DRD2: variants seen among roughly 807,000 people sequenced by gnomAD.
DRD2 encodes D(2) dopamine receptor.
A neutral mutation model predicts 38.0 loss-of-function variants in DRD2; 8 were observed. That is an observed-to-expected ratio of 0.21 (90% CI 0.12 to 0.38). The LOEUF (loss-of-function observed/expected upper bound fraction) is 0.38. Ranked by LOEUF, DRD2 falls within the 10% of genes least tolerant of loss-of-function variation. The pLI, the probability that DRD2 is intolerant of heterozygous loss-of-function variation, is 1.00. For synonymous variants in DRD2, 230 were observed against 238.6 expected (o/e 0.96, Z 0.33); for missense variants, 403 against 607.7 (o/e 0.66, Z 3.54).
At chr11:113,410,961 G>A (rs1950764059) in intron 7 of DRD2, 41 bp from the exon 8 acceptor site, 1 of 1,583,754 alleles carries the variant, frequency 6.3e-7, no homozygotes, top group Non-Finnish European at 8.6e-7. Context: ...CCAGAGCCGG[G>A]GAGGCACGGC....
At chr11:113,417,637 G>A (rs966683176) in intron 3 of DRD2, among the ~76,000 whole-genome samples, 2 of 152,200 alleles carry the variant, frequency 1.3e-5, no homozygotes, top group East Asian at 1.9e-4. Flanking sequence ...AGATACTGCA[G>A]CTCCAGGCCA....
rs577153618 is a variant in DRD2 at position 113,434,971 on chromosome 11, C to T, written c.-31-10289G>A. Among the ~76,000 whole-genome samples the T allele has an allele frequency of 1.8e-4, 28 of 152,280 alleles. 1 individual carries two copies. The South Asian group carries it at 5.2e-3, about 28-fold the overall frequency. On this transcript the variant is annotated intron_variant, in intron 1 of 7. Transcript: ENST00000362072. ...AGACTTTGTCTAGGAGCAGAGGAGA[C>T]CACAGCTGAGCATGACCAGGCCTCC... is the stretch of plus-strand genomic sequence containing the variant.
intron 6 of DRD2, among the ~76,000 whole-genome samples, chr11:113,413,169 C>A (rs1950787174): frequency 6.6e-6 from 1 of 152,208 alleles, no homozygotes. Context: ...ATGGCCTGAG[C>A]AACACTTACT....
At chr11:113,430,325 A>T (rs955134406) in intron 1 of DRD2, among the ~76,000 whole-genome samples, 12 of 152,100 alleles carry the variant, frequency 7.9e-5, no homozygotes, top group African/African-American at 1.9e-4. Flanking sequence ...CATTTCATAG[A>T]CTCTAAGACA....
intron 1 of DRD2, among the ~76,000 whole-genome samples, chr11:113,427,553 A>C (rs771066319): frequency 3.9e-5 from 6 of 152,200 alleles, no homozygotes; most frequent in Non-Finnish European, 8.8e-5. Flanking sequence ...GTTCTTTCCC[A>C]ACTCTTGACT....
chr11:113,443,794 AAAG>A (rs1951115016), intron 1 of DRD2, among the ~76,000 whole-genome samples: 1 of 152,254 alleles, frequency 6.6e-6, no homozygotes, highest in African/African-American at 2.4e-5. Context: ...AAATTTTGAT[AAAG>A]AAAAATTGCT....
intron 1 of DRD2, among the ~76,000 whole-genome samples, chr11:113,450,332 C>G (rs1038083993): frequency 6.6e-6 from 1 of 152,160 alleles, no homozygotes; most frequent in South Asian, 2.1e-4. Flanking sequence ...TTGAAGGCCT[C>G]GAAACAGCCC....
rs377183883 is a variant in DRD2, at chr11:113,413,804, G to A, written c.810+571C>T. 1.4e-3 allele frequency: 288 copies of A among 212,244 alleles called. 8 individuals carry two copies. The South Asian group carries it at 0.023, about 17-fold the overall frequency. The allele number at this position is 212,244 out of a possible 1,614,324, so 13.1% of individuals were successfully genotyped here. A position where few individuals can be genotyped will look rare whatever the true frequency, so the allele number is the denominator to read the frequency against. ...AGAGGCTGGGGTCTGCTGTGCTTCC[G>A]CACCTGAGGGCTCTATGTACACAAA... is the stretch of plus-strand genomic sequence containing the variant. On this transcript the variant is annotated intron_variant, in intron 6 of 7. Transcript: ENST00000362072.
At chr11:113,412,482 T>C in intron 7 of DRD2, 74 bp downstream of exon 7, 1 of 1,565,976 alleles carries the variant, frequency 6.4e-7, no homozygotes, top group Non-Finnish European at 8.7e-7. Context: ...CCTGCAGCCA[T>C]GGTTAGGAAG....
At chr11:113,427,735 C>T (rs936853304) in intron 1 of DRD2, among the ~76,000 whole-genome samples, 2 of 152,152 alleles carry the variant, frequency 1.3e-5, no homozygotes, top group Non-Finnish European at 2.9e-5. Context: ...ATAGGTGCTG[C>T]ATGTTGGGTC....
At chr11:113,436,533 T>C (rs1382763099) in intron 1 of DRD2, among the ~76,000 whole-genome samples, 1 of 152,208 alleles carries the variant, frequency 6.6e-6, no homozygotes, top group South Asian at 2.1e-4. Flanking sequence ...TGGTGAATTT[T>C]TTTAGAGTCC....
At chr11:113,460,692 A>G (rs1951309573) in intron 1 of DRD2, among the ~76,000 whole-genome samples, 1 of 152,190 alleles carries the variant, frequency 6.6e-6, no homozygotes, top group Non-Finnish European at 1.5e-5. Context: ...CTCTCCTCCC[A>G]CCAGGATTAT....
chr11:113,442,117 T>C (rs1469830616), intron 1 of DRD2, among the ~76,000 whole-genome samples: 1 of 152,130 alleles, frequency 6.6e-6, no homozygotes, highest in Admixed American at 6.5e-5. Flanking sequence ...GGGGCATAGA[T>C]GAAAGAAAAT....
chr11:113,442,700 C>T (rs1170373285), intron 1 of DRD2, among the ~76,000 whole-genome samples: 3 of 152,306 alleles, frequency 2.0e-5, no homozygotes, highest in South Asian at 2.1e-4. Context: ...AGACTTTCTA[C>T]GATTGATCAT....
intron 5 of DRD2, 52 bp from the exon 6 acceptor site, chr11:113,414,513 G>T (rs1394842015): frequency 1.3e-6 from 2 of 1,599,818 alleles, no homozygotes; most frequent in Non-Finnish European, 1.7e-6. Flanking sequence ...GATGGAGGGG[G>T]GACAGAAACC....
chr11:113,415,907 A>G (rs1216731713), intron 4 of DRD2, among the ~76,000 whole-genome samples: 1 of 152,242 alleles, frequency 6.6e-6, no homozygotes, highest in Non-Finnish European at 1.5e-5. Flanking sequence ...TCTGGGCATA[A>G]CAAGTGAAGC....
intron 1 of DRD2, among the ~76,000 whole-genome samples, chr11:113,455,592 C>CA (rs1353272027): frequency 3.3e-5 from 5 of 152,000 alleles, no homozygotes; most frequent in African/African-American, 1.2e-4. Flanking sequence ...AATACCAAGA[C>CA]AAAAAATAAC....
intron 1 of DRD2, among the ~76,000 whole-genome samples, chr11:113,460,576 C>A (rs1440582021): frequency 6.6e-6 from 1 of 152,256 alleles, no homozygotes; most frequent in Non-Finnish European, 1.5e-5. Context: ...CCCCTCCTTG[C>A]TGCCAGGCTT....
intron 1 of DRD2, 168 bp from the exon 2 acceptor site, chr11:113,424,850 C>T: frequency 3.0e-6 from 2 of 673,576 alleles, no homozygotes; most frequent in Non-Finnish European, 4.9e-6. Context: ...CACTCTTTTG[C>T]TAGCAAGTTT....
Sources: gnomAD v4.1 joint callset for allele counts (sites outside exome capture counted in the v4.1 genomes callset) on GRCh38, gnomAD v4.1.1 for gene constraint, MANE v1.5 for transcripts, NCBI Gene and HGNC (gene_info 2026-07-23, HGNC 2026-07-21) for gene names.